VAT1L: variants seen among roughly 807,000 people sequenced by gnomAD.
The protein encoded by VAT1L is vesicle amine transport 1 like, also known as putative NADPH-dependent quinone oxidoreductase VAT1L.
VAT1L carries 34 observed loss-of-function variants against 44.1 expected under a neutral mutation model. The observed-to-expected ratio is 0.77, with a 90% CI of 0.59 to 1.03. VAT1L has a LOEUF of 1.03. VAT1L is among the 50% of genes least tolerant of loss of function. The pLI, the probability that VAT1L is intolerant of heterozygous loss-of-function variation, is 0.00. For missense variants in VAT1L, 615 were observed against 538.8 expected (o/e 1.14, Z -1.40); for synonymous variants, 253 against 202.2 (o/e 1.25, Z -2.13).
chr16:77,884,768 A>C lies in VAT1L; in HGVS notation c.1043A>C (p.Lys348Thr). The change falls in exon 7 of 9, where the codon AAG (lysine) becomes ACG (threonine). Residue 348 changes from lysine (K) to threonine (T), a missense_variant. Transcript: ENST00000302536. The surrounding 1 kb of genome is among the most constrained non-coding windows in gnomAD (Gnocchi z 4.5). ...GGGCTCTACAACCAGAAGAAGATCA[A>C]GCCTGTGGTGGACTCCTTGTGGGCT... ...LIGLYNQKKI[K>T]PVVDSLWALE... The C allele has an allele frequency of 6.4e-7, 1 of 1,571,462 alleles. No individual in the cohort carries two copies. The highest frequency in any genetic ancestry group is 8.6e-7 in the Non-Finnish European group (1 of 1,160,440).
chr16:77,793,999 T>C (rs1015899841), intron 1 of VAT1L, among the ~76,000 whole-genome samples: 9 of 152,166 alleles, frequency 5.9e-5, no homozygotes, highest in African/African-American at 2.2e-4. Context: ...AGGAAACTGA[T>C]ATTCACAGAC....
chr16:77,914,485 T>C (rs1007973400), intron 7 of VAT1L, among the ~76,000 whole-genome samples: 7 of 152,246 alleles, frequency 4.6e-5, no homozygotes, highest in Non-Finnish European at 8.8e-5. Flanking sequence ...GGGCTTGATT[T>C]ATCACTTGGT....
intron 1 of VAT1L, among the ~76,000 whole-genome samples, chr16:77,806,007 C>A (rs541237823): frequency 2.0e-5 from 3 of 150,244 alleles, no homozygotes; most frequent in Admixed American, 6.6e-5. Context: ...GGATTACAGG[C>A]GCCTGCCACC....
chr16:77,940,910 A>C (rs2017874743), intron 7 of VAT1L, among the ~76,000 whole-genome samples: 1 of 152,132 alleles, frequency 6.6e-6, no homozygotes, highest in Non-Finnish European at 1.5e-5. Context: ...TCAGTGAGGT[A>C]CTAATCTGCT....
In VAT1L at chr16:77,979,946, A is replaced by C. The variant is rs1273543508; in HGVS notation, c.*2251A>C. 1 of 152,660 alleles carries C rather than the reference A, an allele frequency of 6.6e-6. No individual in the cohort carries two copies. The highest frequency in any genetic ancestry group is 1.5e-5 in the Non-Finnish European group (1 of 68,050). The allele number at this position is 152,660 out of a possible 1,614,324, so 9.5% of individuals were successfully genotyped here. A position where few individuals can be genotyped will look rare whatever the true frequency, so the allele number is the denominator to read the frequency against. The stretch of plus-strand genomic sequence containing the variant: ...TGTAAAGAATGTCTCAGTCTGCCTT[A>C]AAGGAACTGTGAAGGCTTCTCTGTA... On this transcript the variant is annotated 3_prime_UTR_variant, in exon 9 of 9. Transcript: ENST00000302536.
chr16:77,813,567 C>T (rs919903306), intron 1 of VAT1L, among the ~76,000 whole-genome samples: 1 of 152,228 alleles, frequency 6.6e-6, no homozygotes, highest in Admixed American at 6.5e-5. Flanking sequence ...TACAAAGCCT[C>T]ATCCTGGTGC....
chr16:77,822,681 G>C (rs992763962), intron 2 of VAT1L, among the ~76,000 whole-genome samples: 6 of 152,164 alleles, frequency 3.9e-5, no homozygotes, highest in Non-Finnish European at 8.8e-5. Flanking sequence ...CCAAGGATAA[G>C]GAAAGGAGAT....
chr16:77,967,304 A>C (rs932368129), intron 7 of VAT1L, among the ~76,000 whole-genome samples: 3 of 152,234 alleles, frequency 2.0e-5, no homozygotes, highest in Non-Finnish European at 2.9e-5. Flanking sequence ...TGTGATGCTT[A>C]ACTCTGCTTA....
chr16:77,872,751 G>A (rs1437353722), intron 4 of VAT1L, among the ~76,000 whole-genome samples: 2 of 152,208 alleles, frequency 1.3e-5, no homozygotes, highest in Non-Finnish European at 2.9e-5. Context: ...ATCACTCTGT[G>A]TTTGGTTCAT....
At chr16:77,899,735 C>T (rs899768765) in intron 7 of VAT1L, among the ~76,000 whole-genome samples, 16 of 152,226 alleles carry the variant, frequency 1.1e-4, no homozygotes, top group Admixed American at 4.6e-4. Flanking sequence ...CTGAAAACCA[C>T]GTGATGCTCA....
At chr16:77,892,764 G>A (rs780334041) in intron 7 of VAT1L, 7 of 766,866 alleles carry the variant, frequency 9.1e-6, no homozygotes, top group Admixed American at 6.8e-5. Flanking sequence ...TTTTTCATCT[G>A]TACTGCCAAG....
At chr16:77,957,002 C>T (rs35172265) in intron 7 of VAT1L, among the ~76,000 whole-genome samples, 1 of 152,140 alleles carries the variant, frequency 6.6e-6, no homozygotes, top group Non-Finnish European at 1.5e-5. Flanking sequence ...TTCTCCAAGC[C>T]TAAGAAATGA....
rs1178089567 is a variant in VAT1L, at chr16:77,788,834, G to T, written c.152G>T (p.Gly51Val). 1.9e-6 allele frequency: 3 copies of T among 1,580,154 alleles called. No individual in the cohort carries two copies. Among genetic ancestry groups the T allele is most frequent in the Non-Finnish European group, 1.7e-6 (2 of 1,164,336 alleles). The change falls in exon 1 of 9, where the codon GGG (glycine) becomes GTG (valine). Residue 51 changes from glycine (G) to valine (V), a missense_variant. Physicochemically the swap from Gly to Val is moderately radical, Grantham distance 109. Coordinates refer to ENST00000302536, the MANE Select transcript of VAT1L (RefSeq NM_020927.3). ...CGCGCGGTGGTGCTGGCTGGCTTCGGGGGGCTCAACAAGCTGCGGCTCTTC... is the reference window on the plus strand; with the variant it reads ...CGCGCGGTGGTGCTGGCTGGCTTCGTGGGGCTCAACAAGCTGCGGCTCTTC... ...EMRAVVLAGF[G>V]GLNKLRLFRK...
At chr16:77,872,757 T>C (rs1237468215) in intron 4 of VAT1L, among the ~76,000 whole-genome samples, 1 of 152,236 alleles carries the variant, frequency 6.6e-6, no homozygotes, top group Non-Finnish European at 1.5e-5. Context: ...CTGTGTTTGG[T>C]TCATTTATAG....
rs2018369518 is a variant in VAT1L, at chr16:77,978,866, G to C, written c.*1171G>C. 6.6e-6 allele frequency: 1 copy of C among 152,196 alleles called. No individual in the cohort carries two copies. The highest frequency in any genetic ancestry group is 1.5e-5 in the Non-Finnish European group (1 of 68,054). The allele number at this position is 152,196 out of a possible 1,614,324, so 9.4% of individuals were successfully genotyped here. ...AAGGAACCCCACCCCCATGCAATTT[G>C]ACTGTGCTTGAGAGGTGAATACAGT... On this transcript the variant is annotated 3_prime_UTR_variant, in exon 9 of 9. Transcript: ENST00000302536.
At chr16:77,867,458 GTTCA>G (rs200714097) in intron 4 of VAT1L, among the ~76,000 whole-genome samples, 152 of 151,922 alleles carry the variant, frequency 1.0e-3, no homozygotes, top group African/African-American at 2.9e-3. Flanking sequence ...CAGACCTTTT[GTTCA>G]TTCATTCATT....
At chr16:77,819,389 CT>C (rs2016410864) in intron 2 of VAT1L, among the ~76,000 whole-genome samples, 1 of 149,472 alleles carries the variant, frequency 6.7e-6, no homozygotes, top group Non-Finnish European at 1.5e-5. Context: ...TTTTTTTTTT[CT>C]TTTTCTTTTT....
At chr16:77,802,622 ACACACACACACACACACACAC>A (rs2016082164) in intron 1 of VAT1L, among the ~76,000 whole-genome samples, 6 of 83,540 alleles carry the variant, frequency 7.2e-5, no homozygotes, top group East Asian at 5.5e-4. Flanking sequence ...TCAAACACAC[ACACACACACACACACACACAC>A]ACACACACAC....
chr16:77,848,536 G>A (rs2016778350), intron 3 of VAT1L, among the ~76,000 whole-genome samples: 1 of 152,198 alleles, frequency 6.6e-6, no homozygotes, highest in South Asian at 2.1e-4. Flanking sequence ...CAGGCAGGGT[G>A]TTAAGCCCTT....
Sources: allele counts gnomAD v4.1 joint callset (sites outside exome capture counted in the v4.1 genomes callset), GRCh38; gene constraint gnomAD v4.1.1; non-coding constraint Gnocchi (gnomAD v3.1); transcripts MANE v1.5; gene names NCBI Gene and HGNC (gene_info 2026-07-23, HGNC 2026-07-21).